The following DSCAML1 variants were observed in gnomAD, a reference collection of about 807,000 sequenced individuals.
DSCAML1 encodes the protein DS cell adhesion molecule like 1.
In DSCAML1, 38 loss-of-function variants were observed where a neutral mutation model predicts 200.5. That is an observed-to-expected ratio of 0.19 (90% CI 0.15 to 0.25). DSCAML1 has a LOEUF of 0.25. Ranked by LOEUF, DSCAML1 falls within the 10% of genes least tolerant of loss-of-function variation. DSCAML1 has a pLI of 1.00. For synonymous variants in DSCAML1, 1,215 were observed against 1,165.0 expected (o/e 1.04, Z -0.87); for missense variants, 2,223 against 2,858.8 (o/e 0.78, Z 5.07).
intron 3 of DSCAML1, among the ~76,000 whole-genome samples, chr11:117,606,129 G>A (rs564901063): frequency 6.6e-6 from 1 of 152,130 alleles, no homozygotes; most frequent in African/African-American, 2.4e-5. Flanking sequence ...CCATAGAGCC[G>A]TGGCGACTCC....
Position 117,518,341 on chromosome 11 carries a change from G to C in DSCAML1, c.1510+125C>G, listed in dbSNP as rs999733829. 6 of 1,319,840 alleles carry C rather than the reference G, an allele frequency of 4.5e-6. No homozygotes were observed. Among genetic ancestry groups the C allele is most frequent in the Non-Finnish European group, 6.4e-6 (6 of 937,556 alleles). 81.8% of individuals were successfully genotyped at this position (1,319,840 alleles called of 1,614,324 possible). On this transcript the variant is annotated intron_variant, in intron 7 of 32. Coordinates refer to ENST00000651296, the MANE Select transcript of DSCAML1 (RefSeq NM_020693.4). This position sits in a 1 kb window ranked among gnomAD's most constrained non-coding sequence, Gnocchi z 6.3. Reference sequence around the variant, plus strand: ...GGAAAAGGGGACGAGAGAGGGGAGAGAGACCTCTACTAAAATCAAAATGAC... The same window carrying C: ...GGAAAAGGGGACGAGAGAGGGGAGACAGACCTCTACTAAAATCAAAATGAC...
intron 3 of DSCAML1, among the ~76,000 whole-genome samples, chr11:117,650,700 T>TGTGCGCGCGC (rs147584706): frequency 4.1e-5 from 6 of 147,352 alleles, no homozygotes; most frequent in African/African-American, 1.3e-4. Context: ...TGTGTGTGTG[T>TGTGCGCGCGC]GCGTGTGTGT....
chr11:117,610,246 A>G (rs2051660848), intron 3 of DSCAML1, among the ~76,000 whole-genome samples: 1 of 152,142 alleles, frequency 6.6e-6, no homozygotes. Context: ...GTCAATGGGG[A>G]ATTCCAGAGA....
At chr11:117,614,102 A>G (rs565626710) in intron 3 of DSCAML1, among the ~76,000 whole-genome samples, 7 of 152,206 alleles carry the variant, frequency 4.6e-5, no homozygotes, top group South Asian at 4.1e-4. Context: ...GCTGCCCTGG[A>G]GAGAGATATA....
upstream of DSCAML1, among the ~76,000 whole-genome samples, chr11:117,799,286 G>A (rs890483807): frequency 2.0e-5 from 3 of 152,172 alleles, no homozygotes; most frequent in Admixed American, 6.5e-5. Context: ...AAAATAAACC[G>A]CTAAGGCAGA....
intron 3 of DSCAML1, among the ~76,000 whole-genome samples, chr11:117,593,744 C>T (rs2137491030): frequency 7.0e-6 from 1 of 143,770 alleles, no homozygotes. Flanking sequence ...TGGAGTCTTG[C>T]TCTGTTTCCC....
At chr11:117,678,844 G>C (rs1314638526) in intron 3 of DSCAML1, among the ~76,000 whole-genome samples, 6 of 152,274 alleles carry the variant, frequency 3.9e-5, no homozygotes, top group Non-Finnish European at 7.3e-5. Context: ...GAGGACTTTG[G>C]CTTCTACTCG....
intron 3 of DSCAML1, among the ~76,000 whole-genome samples, chr11:117,584,911 A>G (rs552712054): frequency 6.6e-6 from 1 of 152,338 alleles, no homozygotes; most frequent in East Asian, 1.9e-4. Context: ...AGGATCATAC[A>G]AGGAAAGTAC....
chr11:117,702,245 C>T lies in DSCAML1; in HGVS notation c.511+74546G>A, dbSNP rs148789187. Among the ~76,000 whole-genome samples the T allele has an allele frequency of 1.1e-3, 172 of 152,292 alleles. 2 individuals are homozygous for T. The East Asian group carries it at 0.03, about 26-fold the overall frequency. ...GAAAAGTTCAATCGATCTGATGAGGCGCAGAAAATCCTTTGTTACCCTGGC... is the reference window on the plus strand; with the variant it reads ...GAAAAGTTCAATCGATCTGATGAGGTGCAGAAAATCCTTTGTTACCCTGGC... On this transcript the variant is annotated intron_variant, in intron 3 of 32. Coordinates refer to ENST00000651296, the MANE Select transcript of DSCAML1 (RefSeq NM_020693.4).
At chr11:117,726,251 CTGTGTGTGTGTGTGCGTGTGTGTGTG>C (rs2054127571) in intron 3 of DSCAML1, among the ~76,000 whole-genome samples, 1 of 149,174 alleles carries the variant, frequency 6.7e-6, no homozygotes, top group Non-Finnish European at 1.5e-5. Flanking sequence ...GTGTGTATCT[CTGTGTGTGTGTGTGCGTGTGTGTGTG>C]TGTGTGTGTG....
At chr11:117,814,006 G>A (rs888804401) in intron 1 of DSCAML1, among the ~76,000 whole-genome samples, 2 of 152,174 alleles carry the variant, frequency 1.3e-5, no homozygotes, top group Non-Finnish European at 2.9e-5. Context: ...AAAAGGCCCT[G>A]CCCCGCCTTA....
chr11:117,480,532 T>C lies in DSCAML1; in HGVS notation c.2696A>G (p.Lys899Arg). 6.3e-7 allele frequency: 1 copy of C among 1,586,474 alleles called. No homozygotes were observed. The highest frequency in any genetic ancestry group is 1.1e-5 in the South Asian group (1 of 87,104). Residue 899 changes from lysine (K) to arginine (R), a missense_variant, in exon 14 of 33, where the codon AAG becomes AGG. Physicochemically the swap from Lys to Arg is conservative, Grantham distance 26. Coordinates refer to ENST00000651296, the MANE Select transcript of DSCAML1 (RefSeq NM_020693.4). This position sits in a 1 kb window ranked among gnomAD's most constrained non-coding sequence, Gnocchi z 4.1. ...DPPELEIREV[K>R]ARSMNLRWTQ... is the part of the protein sequence containing the mutation. ...CCAGCGCAGGTTCATGCTCCGGGCC[T>C]TCACCTCCCGGATCTCCAGCTCTGG...
intron 3 of DSCAML1, among the ~76,000 whole-genome samples, chr11:117,677,032 A>T (rs961627960): frequency 6.6e-6 from 1 of 152,142 alleles, no homozygotes; most frequent in Non-Finnish European, 1.5e-5. Flanking sequence ...CAATCATTTC[A>T]TCTTGCTGGG....
chr11:117,609,876 T>A lies in DSCAML1; in HGVS notation c.512-77354A>T, dbSNP rs141587101. Among the ~76,000 whole-genome samples, 1,303 of 152,332 alleles carry A rather than the reference T, an allele frequency of 8.6e-3. 25 individuals carry two copies. The highest frequency in any genetic ancestry group is 0.03 in the African/African-American group (1,237 of 41,572). ...TGGAGTGTGGAACAGTCTGGAAGAC[T>A]GGCTTTGCACTCTGGCCTTCTCCCA... On this transcript the variant is annotated intron_variant, in intron 3 of 32. Transcript: ENST00000651296.
At chr11:117,745,502 C>T (rs2137852340) in intron 3 of DSCAML1, among the ~76,000 whole-genome samples, 1 of 152,234 alleles carries the variant, frequency 6.6e-6, no homozygotes, top group East Asian at 1.9e-4. Context: ...TGCAGGTGGT[C>T]AGCACTGGGG....
rs574103161 is a variant in DSCAML1 at position 117,482,746 on chromosome 11, A to C, written c.2360-584T>G. ...CGCTTATGTTCAAAATGGAAGGAAT[A>C]CTAAATTTCAGTTAGAAGTTAGTGA... On this transcript the variant is annotated intron_variant, in intron 11 of 32. Transcript: ENST00000651296. 3.9e-5 allele frequency among the ~76,000 whole-genome samples: 6 copies of C among 152,300 alleles called. No homozygotes were observed. The East Asian group carries it at 9.7e-4, about 25-fold the overall frequency.
At chr11:117,648,225 G>C (rs942832687) in intron 3 of DSCAML1, among the ~76,000 whole-genome samples, 1 of 152,218 alleles carries the variant, frequency 6.6e-6, no homozygotes, top group African/African-American at 2.4e-5. Flanking sequence ...CTGCCCAGCT[G>C]TGTGTCCATG....
At chr11:117,442,447 A>G (rs963385989) in intron 21 of DSCAML1, among the ~76,000 whole-genome samples, 1 of 151,532 alleles carries the variant, frequency 6.6e-6, no homozygotes, top group Non-Finnish European at 1.5e-5. Context: ...GTCTGTGTGT[A>G]TAAGTGTGTG....
At position 117,463,610 on chromosome 11, in the gene DSCAML1, C is replaced by T. The variant is rs960511757; in HGVS notation, c.3265+1332G>A. ...ACTAAGAGGAGACAAGCTGATCTTC[C>T]TCAATCCAGCCAGGCCCGAGGCCAG... On this transcript the variant is annotated intron_variant, in intron 17 of 32. Coordinates refer to ENST00000651296, the MANE Select transcript of DSCAML1 (RefSeq NM_020693.4). The surrounding 1 kb of genome is among the most constrained non-coding windows in gnomAD (Gnocchi z 4.0). Among the ~76,000 whole-genome samples the T allele has an allele frequency of 6.6e-6, 1 of 152,160 alleles. No homozygotes were observed. The highest frequency in any genetic ancestry group is 1.5e-5 in the Non-Finnish European group (1 of 68,028).
Sources: gnomAD v4.1 joint callset for allele counts (sites outside exome capture counted in the v4.1 genomes callset) on GRCh38, gnomAD v4.1.1 for gene constraint, Gnocchi (gnomAD v3.1) non-coding constraint, MANE v1.5 for transcripts, NCBI Gene and HGNC (gene_info 2026-07-23, HGNC 2026-07-21) for gene names.